MTHFD1L: variants seen among roughly 807,000 people sequenced by gnomAD.
MTHFD1L encodes the protein methylenetetrahydrofolate dehydrogenase (NADP+ dependent) 1 like, also known as monofunctional C1-tetrahydrofolate synthase, mitochondrial.
A neutral mutation model predicts 119.5 loss-of-function variants in MTHFD1L; 81 were observed. The ratio of observed to expected loss-of-function variants is 0.68; its 90% CI spans 0.57 to 0.82. The LOEUF is 0.82. MTHFD1L is among the 40% of genes least tolerant of loss of function. MTHFD1L has a pLI of 0.00. For missense variants in MTHFD1L, 1,125 were observed against 1,253.4 expected (o/e 0.90, Z 1.55); for synonymous variants, 430 against 475.2 (o/e 0.90, Z 1.24).
At position 150,885,614 on chromosome 6, in the gene MTHFD1L, T is replaced by G; in HGVS notation, c.543-20T>G. 4 of 1,603,196 alleles carry G rather than the reference T, an allele frequency of 2.5e-6. No homozygotes were observed. The highest frequency in any genetic ancestry group is 3.4e-6 in the Non-Finnish European group (4 of 1,170,708). ...TTGGCTGGGCTTTGACTTAACCTAC[T>G]TCTTTATTTTCTGATTCAGAGTAAC... On this transcript the variant is annotated intron_variant, in intron 5 of 27. Coordinates refer to ENST00000367321, the MANE Select transcript of MTHFD1L (RefSeq NM_015440.5).
intron 7 of MTHFD1L, among the ~76,000 whole-genome samples, chr6:150,902,099 G>A (rs967593706): frequency 1.5e-4 from 23 of 152,106 alleles, no homozygotes; most frequent in Admixed American, 1.0e-3. Context: ...GGGTAGCGCT[G>A]TATTTAGTTT....
chr6:151,034,110 G>A (rs1379100752), intron 24 of MTHFD1L, among the ~76,000 whole-genome samples: 1 of 152,038 alleles, frequency 6.6e-6, no homozygotes, highest in African/African-American at 2.4e-5. Context: ...GAGCCTGGGA[G>A]GTTGAGGCTG....
At chr6:150,983,833 G>C (rs77697932) in intron 20 of MTHFD1L, among the ~76,000 whole-genome samples, 5 of 152,048 alleles carry the variant, frequency 3.3e-5, no homozygotes, top group African/African-American at 1.2e-4. Context: ...CTATCCCCCA[G>C]GCTAACAGCT....
intron 7 of MTHFD1L, among the ~76,000 whole-genome samples, chr6:150,890,718 G>A (rs760026816): frequency 4.6e-5 from 7 of 152,136 alleles, no homozygotes; most frequent in African/African-American, 7.2e-5. Context: ...AGAGCAGGAC[G>A]GAAAGTCTAG....
intron 20 of MTHFD1L, among the ~76,000 whole-genome samples, chr6:150,984,326 C>T (rs76602824): frequency 0.02 from 3,020 of 151,976 alleles, 107 homozygotes; most frequent in African/African-American, 0.069. Context: ...CCTGGCTCAG[C>T]AGAAAAAGGA....
chr6:150,955,963 G>A (rs1795579952), intron 16 of MTHFD1L, 32 bp from the exon 17 acceptor site: 1 of 1,578,760 alleles, frequency 6.3e-7, no homozygotes, highest in African/African-American at 1.3e-5. Context: ...GTCCATATTT[G>A]TCGACTGAAT....
At chr6:151,014,644 G>A (rs1462332004) in intron 22 of MTHFD1L, among the ~76,000 whole-genome samples, 1 of 152,240 alleles carries the variant, frequency 6.6e-6, no homozygotes, top group Non-Finnish European at 1.5e-5. Flanking sequence ...CCTGCAGCCT[G>A]TCCTCAGCAG....
intron 20 of MTHFD1L, among the ~76,000 whole-genome samples, chr6:150,978,326 G>A (rs895416718): frequency 8.5e-5 from 13 of 152,230 alleles, no homozygotes; most frequent in Admixed American, 1.3e-4. Context: ...GGTAGCTTTC[G>A]ATGTCCCATA....
chr6:151,015,206 CTTTTTT>C (rs58646889), intron 23 of MTHFD1L, among the ~76,000 whole-genome samples: 2 of 76,934 alleles, frequency 2.6e-5, no homozygotes, highest in Non-Finnish European at 4.9e-5. Flanking sequence ...ATCTCCTTGG[CTTTTTT>C]TTTTTTTTTT....
intron 27 of MTHFD1L, 48 bp downstream of exon 27, chr6:151,092,635 C>A: frequency 8.4e-7 from 1 of 1,186,790 alleles, no homozygotes. Context: ...TTTTCCAGTT[C>A]ATATCCTTTT....
At chr6:150,870,962 T>A (rs894115346) in intron 1 of MTHFD1L, among the ~76,000 whole-genome samples, 27 of 118,368 alleles carry the variant, frequency 2.3e-4, no homozygotes, top group African/African-American at 3.1e-4. Flanking sequence ...TATATATATA[T>A]TATATATATA....
intron 26 of MTHFD1L, among the ~76,000 whole-genome samples, chr6:151,056,817 T>TA (rs1790016703): frequency 6.6e-6 from 1 of 152,140 alleles, no homozygotes; most frequent in Admixed American, 6.5e-5. Context: ...CCCCACAAGG[T>TA]GTTCTGACCT....
intron 26 of MTHFD1L, among the ~76,000 whole-genome samples, chr6:151,076,178 G>T (rs907600923): frequency 6.6e-6 from 1 of 152,094 alleles, no homozygotes; most frequent in African/African-American, 2.4e-5. Context: ...ACAACATAGG[G>T]AGGAGACTCT....
At chr6:151,013,886 G>T (rs1782641437) in intron 22 of MTHFD1L, 66 bp downstream of exon 22, 3 of 1,394,200 alleles carry the variant, frequency 2.2e-6, no homozygotes, top group Non-Finnish European at 3.0e-6. Flanking sequence ...TTGGCTTTCA[G>T]TGAATGAGCC....
At chr6:150,930,872 G>A (rs1790921153) in intron 11 of MTHFD1L, among the ~76,000 whole-genome samples, 1 of 152,008 alleles carries the variant, frequency 6.6e-6, no homozygotes, top group Admixed American at 6.6e-5. Flanking sequence ...CAAACTTTAG[G>A]ATTTCTTATT....
chr6:150,991,592 A>G (rs1439444740), intron 20 of MTHFD1L, among the ~76,000 whole-genome samples: 4 of 152,218 alleles, frequency 2.6e-5, no homozygotes, highest in Non-Finnish European at 5.9e-5. Context: ...AATGACTTGA[A>G]AAATCAAGTA....
chr6:150,886,979 A>G (rs1782418211), intron 6 of MTHFD1L, among the ~76,000 whole-genome samples: 1 of 151,332 alleles, frequency 6.6e-6, no homozygotes, highest in African/African-American at 2.4e-5. Context: ...CTGGGCAACA[A>G]GCAAGATCCT....
At chr6:150,913,674 G>A (rs1273364866) in intron 8 of MTHFD1L, among the ~76,000 whole-genome samples, 4 of 152,136 alleles carry the variant, frequency 2.6e-5, no homozygotes, top group African/African-American at 9.7e-5. Context: ...TTAAGAGAGT[G>A]TGGGTTTTAA....
At chr6:151,100,201 T>G (rs1041881070) in intron 27 of MTHFD1L, among the ~76,000 whole-genome samples, 2 of 151,882 alleles carry the variant, frequency 1.3e-5, no homozygotes, top group African/African-American at 4.8e-5. Flanking sequence ...GCCCAGCTAA[T>G]TTTTTTGTAT....
Sources: gnomAD v4.1 joint callset for allele counts (sites outside exome capture counted in the v4.1 genomes callset) on GRCh38, gnomAD v4.1.1 for gene constraint, MANE v1.5 for transcripts, NCBI Gene and HGNC (gene_info 2026-07-23, HGNC 2026-07-21) for gene names.